PSME4: variants seen among roughly 807,000 people sequenced by gnomAD.
PSME4 encodes the protein proteasome activator subunit 4.
A neutral mutation model predicts 253.9 loss-of-function variants in PSME4; 89 were observed. The observed-to-expected ratio is 0.35, with a 90% CI of 0.30 to 0.42. The LOEUF is 0.42. PSME4 is among the 10% of genes least tolerant of loss of function. The pLI is 1.00. For synonymous variants in PSME4, 851 were observed against 759.2 expected (o/e 1.12, Z -1.99); for missense variants, 2,014 against 2,195.2 (o/e 0.92, Z 1.65).
chr2:53,937,671 T>C (rs1669186380), intron 4 of PSME4, 131 bp from the exon 5 acceptor site: 1 of 809,256 alleles, frequency 1.2e-6, no homozygotes, highest in Non-Finnish European at 2.0e-6. Flanking sequence ...AGTCTACAAA[T>C]GTCCAAACTA....
intron 26 of PSME4, among the ~76,000 whole-genome samples, chr2:53,905,875 A>G (rs1459483058): frequency 5.9e-5 from 9 of 152,122 alleles, no homozygotes; most frequent in Non-Finnish European, 7.4e-5. Flanking sequence ...TGGATTTGAG[A>G]TTTTTTTCAC....
intron 1 of PSME4, among the ~76,000 whole-genome samples, chr2:53,960,831 G>A (rs1670462639): frequency 6.6e-6 from 1 of 152,206 alleles, no homozygotes; most frequent in African/African-American, 2.4e-5. Flanking sequence ...GGACTGGCCA[G>A]GCGCGGTGGC....
chr2:53,904,606 T>C (rs1240136879), intron 26 of PSME4, among the ~76,000 whole-genome samples: 1 of 152,192 alleles, frequency 6.6e-6, no homozygotes, highest in Non-Finnish European at 1.5e-5. Flanking sequence ...AGGCAAACCT[T>C]AAGTACAATC....
At chr2:53,940,984 TA>T (rs1424710785) in intron 3 of PSME4, among the ~76,000 whole-genome samples, 26 of 68,582 alleles carry the variant, frequency 3.8e-4, no homozygotes, top group South Asian at 2.2e-3. Context: ...TATATATATA[TA>T]TATATATATA....
chr2:53,876,846 T>C (rs1310736475), intron 41 of PSME4, among the ~76,000 whole-genome samples: 1 of 151,036 alleles, frequency 6.6e-6, no homozygotes, highest in African/African-American at 2.4e-5. Flanking sequence ...GCCTTCTGAG[T>C]AGCTGGGACC....
intron 18 of PSME4, among the ~76,000 whole-genome samples, chr2:53,920,645 T>C (rs1012172394): frequency 1.3e-5 from 2 of 152,218 alleles, no homozygotes; most frequent in African/African-American, 4.8e-5. Flanking sequence ...AATAAAATTA[T>C]ATTGAACTAT....
At chr2:53,932,145 C>T (rs759193414) in intron 9 of PSME4, 45 bp from the exon 10 acceptor site, 28 of 1,554,374 alleles carry the variant, frequency 1.8e-5, no homozygotes, top group Non-Finnish European at 2.3e-5. Flanking sequence ...TCTACTTTGC[C>T]GCATAGACAT....
Position 53,925,679 on chromosome 2 carries a change from G to C in PSME4, c.1669C>G (p.Leu557Val). The C allele has an allele frequency of 1.9e-6, 3 of 1,599,944 alleles. No individual in the cohort carries two copies. The highest frequency in any genetic ancestry group is 2.6e-6 in the Non-Finnish European group (3 of 1,169,796). ...TGCTCCAATGTGCTACTTTCTATAA[G>C]TCCAAAACATCTAAATAATCCAAAC... The part of the protein sequence containing the change: ...VLQFMDRCFG[L>V]IESSTLEQTR... Residue 557 changes from leucine (L) to valine (V), a missense_variant, in exon 14 of 47, where the codon CTT (leucine) becomes GTT (valine). This residue lies in a region of PSME4 where 989 missense variants were observed against 1,021.1 expected (regional missense o/e 0.97). Coordinates refer to ENST00000404125, the MANE Select transcript of PSME4 (RefSeq NM_014614.3).
At chr2:53,919,815 G>A (rs778330731) in intron 19 of PSME4, among the ~76,000 whole-genome samples, 1 of 149,134 alleles carries the variant, frequency 6.7e-6, no homozygotes, top group Non-Finnish European at 1.5e-5. Flanking sequence ...TGTGGGAGAG[G>A]GAAAAAAAAA....
At chr2:53,960,398 C>CAA (rs1355944056) in intron 1 of PSME4, among the ~76,000 whole-genome samples, 977 of 55,208 alleles carry the variant, frequency 0.018, 10 homozygotes, top group African/African-American at 0.059. Context: ...GACTCCATCT[C>CAA]AAAAAAAAAA....
At chr2:53,953,845 G>A (rs73935008) in intron 1 of PSME4, among the ~76,000 whole-genome samples, 1,554 of 152,250 alleles carry the variant, frequency 0.01, 31 homozygotes, top group African/African-American at 0.036. Flanking sequence ...AAACAGTCAC[G>A]ATTGAACGTG....
intron 36 of PSME4, 44 bp from the exon 37 acceptor site, chr2:53,890,252 A>G (rs1573223261): frequency 1.5e-6 from 2 of 1,311,464 alleles, no homozygotes; most frequent in African/African-American, 1.5e-5. Context: ...TGACACTCAG[A>G]ACATTTTTCT....
chr2:53,949,096 T>G (rs760342358), intron 2 of PSME4, 47 bp downstream of exon 2: 1 of 1,505,734 alleles, frequency 6.6e-7, no homozygotes, highest in Non-Finnish European at 8.9e-7. Flanking sequence ...CCTAAAACCC[T>G]GAAGAAACAA....
At chr2:53,967,679 A>G (rs13389770) in intron 1 of PSME4, among the ~76,000 whole-genome samples, 1,635 of 139,998 alleles carry the variant, frequency 0.012, 69 homozygotes, top group African/African-American at 0.043. Flanking sequence ...AAAAAAAAAA[A>G]GTCAAAAAGA....
chr2:53,931,267 T>C (rs1457336092), intron 10 of PSME4, among the ~76,000 whole-genome samples: 2 of 151,188 alleles, frequency 1.3e-5, no homozygotes, highest in African/African-American at 4.9e-5. Context: ...CAAAATTTCA[T>C]CTCAAAAAAA....
rs1475990470 is a variant in PSME4, at chr2:53,906,637, G to C, written c.2904C>G (p.Ile968Met). ...CEYKKIHQDM[I>M]RDLLRLSTSS... ...TTGTAGATAAACGAAGAAGATCTCT[G>C]ATCATATCTTGATGTATCTTTTTGT... The change falls in exon 26 of 47, where the codon ATC becomes ATG. Residue 968 changes from isoleucine to methionine, a missense_variant. This residue lies in a region of PSME4 where 989 missense variants were observed against 1,021.1 expected (regional missense o/e 0.97). Coordinates refer to ENST00000404125, the MANE Select transcript of PSME4 (RefSeq NM_014614.3). 1.2e-6 allele frequency: 2 copies of C among 1,602,774 alleles called. No homozygotes were observed. Among genetic ancestry groups the C allele is most frequent in the African/African-American group, 2.7e-5 (2 of 74,248 alleles).
chr2:53,949,408 A>C (rs936954543), intron 1 of PSME4, 125 bp from the exon 2 acceptor site: 10 of 502,126 alleles, frequency 2.0e-5, no homozygotes, highest in Non-Finnish European at 3.4e-5. Context: ...GGATGAATGG[A>C]TAAGGAAAAT....
At position 53,928,958 on chromosome 2, in the gene PSME4, G is replaced by A. The variant is rs137915843; in HGVS notation, c.1317-655C>T. 2.1e-3 allele frequency among the ~76,000 whole-genome samples: 320 copies of A among 152,208 alleles called. 9 individuals are homozygous for A. In the East Asian group the frequency reaches 0.058, roughly 28 times the overall value. Reference sequence around the variant, plus strand: ...AGGCAGGCAGATCACCTAAGGTCAGGAGTTTGAGACCAGCCTGGCCAACAT... The same window carrying A: ...AGGCAGGCAGATCACCTAAGGTCAGAAGTTTGAGACCAGCCTGGCCAACAT... On this transcript the variant is annotated intron_variant, in intron 10 of 46. Coordinates refer to ENST00000404125, the MANE Select transcript of PSME4 (RefSeq NM_014614.3).
chr2:53,887,151 T>G (rs1329696321), intron 40 of PSME4, 108 bp downstream of exon 40: 2 of 1,014,706 alleles, frequency 2.0e-6, no homozygotes, highest in African/African-American at 3.3e-5. Context: ...AAACAGTAAA[T>G]TTTTCATTAT....
Sources: allele counts gnomAD v4.1 joint callset (sites outside exome capture counted in the v4.1 genomes callset), GRCh38; gene constraint gnomAD v4.1.1; regional missense constraint gnomAD v4.1.1; transcripts MANE v1.5; gene names NCBI Gene and HGNC (gene_info 2026-07-23, HGNC 2026-07-21).